The following HS3ST5 variants were observed in gnomAD, a reference collection of about 807,000 sequenced individuals.
HS3ST5 encodes heparan sulfate glucosamine 3-O-sulfotransferase 5.
A neutral mutation model predicts 25.4 loss-of-function variants in HS3ST5; 10 were observed. The ratio of observed to expected loss-of-function variants is 0.39; its 90% CI spans 0.24 to 0.67. The LOEUF is 0.67. Ranked by LOEUF, HS3ST5 falls within the 30% of genes least tolerant of loss-of-function variation. The pLI is 0.44. For missense variants in HS3ST5, 324 were observed against 420.7 expected (o/e 0.77, Z 2.01); for synonymous variants, 170 against 162.4 (o/e 1.05, Z -0.36).
intron 1 of HS3ST5, among the ~76,000 whole-genome samples, chr6:114,259,476 C>T (rs965871029): frequency 2.0e-5 from 3 of 152,206 alleles, no homozygotes; most frequent in African/African-American, 7.2e-5. Context: ...CTCCACAGAT[C>T]ATCCTGTTTT....
chr6:114,295,318 G>C (rs1030512369), intron 1 of HS3ST5, among the ~76,000 whole-genome samples: 2 of 152,144 alleles, frequency 1.3e-5, no homozygotes, highest in Admixed American at 6.5e-5. Context: ...TGTCTTTTAA[G>C]TGAGTAGGCA....
chr6:114,294,097 G>A (rs147060017), intron 1 of HS3ST5, among the ~76,000 whole-genome samples: 22 of 152,300 alleles, frequency 1.4e-4, no homozygotes, highest in African/African-American at 5.3e-4. Context: ...AACGTGTTAA[G>A]GAGAAACACT....
At chr6:114,083,036 TAAAA>T (rs893378508) in intron 3 of HS3ST5, among the ~76,000 whole-genome samples, 2 of 152,186 alleles carry the variant, frequency 1.3e-5, no homozygotes, top group Non-Finnish European at 2.9e-5. Flanking sequence ...TGCTGAGAAT[TAAAA>T]AGAAAATTTT....
At chr6:114,076,673 T>G (rs984603863) in intron 3 of HS3ST5, among the ~76,000 whole-genome samples, 1 of 152,188 alleles carries the variant, frequency 6.6e-6, no homozygotes, top group African/African-American at 2.4e-5. Context: ...TGAGGAAAAT[T>G]GTCATAAAGA....
At chr6:114,084,136 C>A in intron 3 of HS3ST5, 1 of 673,458 alleles carries the variant, frequency 1.5e-6, no homozygotes, top group Admixed American at 2.1e-5. Context: ...AACCTTATTG[C>A]CATGTTGCTT....
intron 2 of HS3ST5, among the ~76,000 whole-genome samples, chr6:114,191,720 A>T (rs955572419): frequency 5.9e-5 from 9 of 152,046 alleles, no homozygotes; most frequent in African/African-American, 1.9e-4. Flanking sequence ...GTGTGGAGGG[A>T]ACTATTTTCT....
At chr6:114,120,144 CAAACA>C (rs377681149) in intron 3 of HS3ST5, among the ~76,000 whole-genome samples, 156 of 151,990 alleles carry the variant, frequency 1.0e-3, no homozygotes, top group African/African-American at 3.4e-3. Flanking sequence ...GATGCTGTCT[CAAACA>C]AAACAAAACA....
chr6:114,144,245 G>C (rs1778046491), intron 3 of HS3ST5, among the ~76,000 whole-genome samples: 1 of 152,176 alleles, frequency 6.6e-6, no homozygotes, highest in Admixed American at 6.5e-5. Context: ...ACTGTACAGA[G>C]ACAAGCATGC....
rs148600438 is a variant in HS3ST5, at chr6:114,083,305, C to T, written c.-32-20428G>A. ...TATGGAGAAGAAACAAACTTCGTAC[C>T]TCCAGGACAGGAGGCAGTTTTACAA... On this transcript the variant is annotated intron_variant, in intron 3 of 4. Transcript: ENST00000312719. 1.6e-3 allele frequency among the ~76,000 whole-genome samples: 244 copies of T among 152,202 alleles called. 2 individuals carry two copies. The highest frequency in any genetic ancestry group is 5.6e-3 in the African/African-American group (231 of 41,506).
intron 2 of HS3ST5, among the ~76,000 whole-genome samples, chr6:114,187,150 C>T (rs1780257856): frequency 6.6e-6 from 1 of 152,198 alleles, no homozygotes; most frequent in African/African-American, 2.4e-5. Context: ...GCTAACACAA[C>T]ATTCATTCTG....
chr6:114,150,132 GTCT>G (rs1455909595), intron 3 of HS3ST5, among the ~76,000 whole-genome samples: 2 of 152,190 alleles, frequency 1.3e-5, no homozygotes, highest in Non-Finnish European at 2.9e-5. Flanking sequence ...CTGAAAACTA[GTCT>G]TCTGCTCAAT....
At chr6:114,085,447 C>T (rs1293124310) in intron 3 of HS3ST5, among the ~76,000 whole-genome samples, 1 of 152,168 alleles carries the variant, frequency 6.6e-6, no homozygotes, top group Non-Finnish European at 1.5e-5. Flanking sequence ...TCCATTCTCT[C>T]ACACTATGCC....
At chr6:114,200,598 C>A (rs1780967265) in intron 2 of HS3ST5, among the ~76,000 whole-genome samples, 1 of 152,106 alleles carries the variant, frequency 6.6e-6, no homozygotes, top group Non-Finnish European at 1.5e-5. Flanking sequence ...TTTCAAAATA[C>A]TATACATGTT....
At chr6:114,237,801 G>T (rs1014588985) in intron 1 of HS3ST5, among the ~76,000 whole-genome samples, 2 of 152,226 alleles carry the variant, frequency 1.3e-5, no homozygotes, top group East Asian at 3.8e-4. Context: ...CGTAAGTCAG[G>T]TCTATATTTT....
chr6:114,338,247 C>G (rs2114938323), intron 1 of HS3ST5, among the ~76,000 whole-genome samples: 1 of 151,136 alleles, frequency 6.6e-6, no homozygotes, highest in African/African-American at 2.4e-5. Flanking sequence ...CAGATATATA[C>G]ATAAACAGAA....
intron 3 of HS3ST5, among the ~76,000 whole-genome samples, chr6:114,090,666 G>A (rs1775076048): frequency 6.6e-6 from 1 of 152,054 alleles, no homozygotes; most frequent in Non-Finnish European, 1.5e-5. Context: ...TGGGTACTAT[G>A]GATAGTTTGC....
chr6:114,163,568 G>T (rs1218453601), intron 3 of HS3ST5, among the ~76,000 whole-genome samples: 12 of 152,180 alleles, frequency 7.9e-5, no homozygotes, highest in Admixed American at 4.6e-4. Context: ...GTGCCATTTT[G>T]TGTCAGTTAC....
At chr6:114,134,185 G>A (rs754050818) in intron 3 of HS3ST5, among the ~76,000 whole-genome samples, 10 of 152,168 alleles carry the variant, frequency 6.6e-5, no homozygotes, top group Non-Finnish European at 1.3e-4. Flanking sequence ...ACAGCAAATA[G>A]CAGCCTCCTA....
At chr6:114,139,193 GA>G (rs1582642872) in intron 3 of HS3ST5, among the ~76,000 whole-genome samples, 1 of 152,124 alleles carries the variant, frequency 6.6e-6, no homozygotes, top group African/African-American at 2.4e-5. Flanking sequence ...TGCAGTGACT[GA>G]AGGAGTGTTT....
Sources: allele counts gnomAD v4.1 joint callset (sites outside exome capture counted in the v4.1 genomes callset), GRCh38; gene constraint gnomAD v4.1.1; transcripts MANE v1.5; gene names NCBI Gene and HGNC (gene_info 2026-07-23, HGNC 2026-07-21).